The following MERTK variants were observed in gnomAD, a reference collection of about 807,000 sequenced individuals.
MERTK encodes MER proto-oncogene, tyrosine kinase.
Under a neutral mutation model 99.3 loss-of-function variants are expected in MERTK, and 69 were observed. The ratio of observed to expected loss-of-function variants is 0.70; its 90% CI spans 0.57 to 0.85. The LOEUF (loss-of-function observed/expected upper bound fraction) is 0.85. MERTK is among the 40% of genes least tolerant of loss of function. The pLI is 0.00. For missense variants in MERTK, 1,125 were observed against 1,249.4 expected (o/e 0.90, Z 1.50); for synonymous variants, 426 against 467.6 (o/e 0.91, Z 1.15).
Position 111,898,641 on chromosome 2 carries a change from G to T in MERTK, c.-95G>T. ...TCACTGCCCGGGCCGCCCGGACAGGGAGCTTCGCTGGCGCGCTTGGCCGGC... is the reference window on the plus strand; with the variant it reads ...TCACTGCCCGGGCCGCCCGGACAGGTAGCTTCGCTGGCGCGCTTGGCCGGC... On this transcript the variant is annotated 5_prime_UTR_variant, in exon 1 of 19. Transcript: ENST00000295408. 6.9e-7 allele frequency: 1 copy of T among 1,458,190 alleles called. No homozygotes were observed. Among genetic ancestry groups the T allele is most frequent in the Non-Finnish European group, 9.4e-7 (1 of 1,063,886 alleles). The allele number at this position is 1,458,190 out of a possible 1,614,324, so 90.3% of individuals were successfully genotyped here.
chr2:111,906,819 C>G (rs1241307773), intron 1 of MERTK, among the ~76,000 whole-genome samples: 1 of 152,244 alleles, frequency 6.6e-6, no homozygotes, highest in Non-Finnish European at 1.5e-5. Context: ...GATGTAAGTT[C>G]TCATCCTAGC....
At chr2:111,931,805 T>C (rs1022218191) in intron 2 of MERTK, among the ~76,000 whole-genome samples, 3 of 152,148 alleles carry the variant, frequency 2.0e-5, no homozygotes, top group African/African-American at 7.2e-5. Context: ...TACCTTGCTG[T>C]CTCTCTGGAC....
intron 4 of MERTK, chr2:111,952,479 C>CA (rs143306687): frequency 0.047 from 7,274 of 154,442 alleles, 160 homozygotes; most frequent in African/African-American, 0.057. Flanking sequence ...ACTGATCCAA[C>CA]AAATGAGCCA....
intron 2 of MERTK, among the ~76,000 whole-genome samples, chr2:111,942,780 C>G (rs924428345): frequency 6.6e-6 from 1 of 152,092 alleles, no homozygotes; most frequent in African/African-American, 2.4e-5. Context: ...TCAGGAAATG[C>G]AATGACAGGG....
chr2:111,997,213 T>C (rs1440615061), intron 9 of MERTK, 110 bp from the exon 10 acceptor site: 2 of 1,268,320 alleles, frequency 1.6e-6, no homozygotes, highest in Admixed American at 1.7e-5. Flanking sequence ...TTGTAGATTA[T>C]AAAAGATTTA....
At chr2:112,022,533 A>G (rs1158162095) in intron 18 of MERTK, 139 bp downstream of exon 18, 1 of 1,269,902 alleles carries the variant, frequency 7.9e-7, no homozygotes, top group Non-Finnish European at 1.1e-6. Context: ...GGTGGAACCC[A>G]CAGACACCCC....
At chr2:111,973,975 T>TG (rs1676177496) in intron 6 of MERTK, among the ~76,000 whole-genome samples, 1 of 140,768 alleles carries the variant, frequency 7.1e-6, no homozygotes, top group Non-Finnish European at 1.5e-5. Flanking sequence ...AATGACCCTT[T>TG]GCTATATCTC....
intron 1 of MERTK, among the ~76,000 whole-genome samples, chr2:111,902,438 T>A (rs1356809094): frequency 6.6e-6 from 1 of 152,234 alleles, no homozygotes; most frequent in Non-Finnish European, 1.5e-5. Flanking sequence ...AATCTTCCAG[T>A]GGCTTCCTGT....
chr2:111,925,910 G>A (rs1413769151), intron 1 of MERTK, among the ~76,000 whole-genome samples: 4 of 150,884 alleles, frequency 2.7e-5, no homozygotes, highest in Admixed American at 2.0e-4. Flanking sequence ...TCGGCTCACT[G>A]CAAGCTCCGC....
intron 13 of MERTK, among the ~76,000 whole-genome samples, chr2:112,006,010 A>G (rs1573635585): frequency 6.6e-6 from 1 of 151,970 alleles, no homozygotes; most frequent in African/African-American, 2.4e-5. Flanking sequence ...CCTCCTGAGT[A>G]GCTGGGATTA....
chr2:111,903,066 A>G (rs970633428), intron 1 of MERTK, among the ~76,000 whole-genome samples: 1 of 152,196 alleles, frequency 6.6e-6, no homozygotes, highest in Admixed American at 6.5e-5. Flanking sequence ...GGCGTGAGCT[A>G]TGGCACCCAG....
intron 2 of MERTK, among the ~76,000 whole-genome samples, chr2:111,931,639 T>C (rs1238220796): frequency 1.3e-5 from 2 of 151,260 alleles, no homozygotes; most frequent in Non-Finnish European, 2.9e-5. Context: ...TAAGCCAAGA[T>C]TGCACCACTG....
intron 15 of MERTK, among the ~76,000 whole-genome samples, chr2:112,012,668 G>T (rs1414735699): frequency 6.6e-6 from 1 of 152,170 alleles, no homozygotes; most frequent in Non-Finnish European, 1.5e-5. Flanking sequence ...TTCCAGCATG[G>T]AGAAACTAGA....
In MERTK at chr2:111,905,325, C is replaced by T. The variant is rs575473838; in HGVS notation, c.61+6529C>T. Among the ~76,000 whole-genome samples, 29 of 152,098 alleles carry T rather than the reference C, an allele frequency of 1.9e-4. 1 individual carries two copies. The highest frequency in any genetic ancestry group is 3.8e-4 in the Non-Finnish European group (26 of 68,020). On this transcript the variant is annotated intron_variant, in intron 1 of 18. Transcript: ENST00000295408. ...CTAGGGACATGGCCGGCATGTGAAACCCTGGGCTGCTATGGCCAGGTCACC... is the reference window on the plus strand; with the variant it reads ...CTAGGGACATGGCCGGCATGTGAAATCCTGGGCTGCTATGGCCAGGTCACC...
Position 112,003,153 on chromosome 2 carries a change from G to A in MERTK, c.1752G>A (p.Arg584=), listed in dbSNP as rs754662050. The A allele has an allele frequency of 3.1e-6, 5 of 1,600,320 alleles. No homozygotes were observed. Among genetic ancestry groups the A allele is most frequent in the Non-Finnish European group, 8.6e-7 (1 of 1,167,976 alleles). The change falls in exon 12 of 19, where the codon AGG becomes AGA. Residue 584 remains arginine, a synonymous_variant. Coordinates refer to ENST00000295408, the MANE Select transcript of MERTK (RefSeq NM_006343.3). ...QNKLEDVVID[R]NLLILGKILG... is the part of the protein sequence containing the mutation. ...AACTAGAAGATGTTGTGATTGACAG[G>A]AATCTTCTAATTCTTGGAAAAATTC...
rs1352909406 is a variant in MERTK at position 111,984,719 on chromosome 2, A to C, written c.1296+1726A>C. On this transcript the variant is annotated intron_variant, in intron 8 of 18. Transcript: ENST00000295408. Reference sequence around the variant, plus strand: ...TGATGACCTAGATGATTCTTCTTTCATGAATAATTACATTGAGTTTGCTGA... The same window carrying C: ...TGATGACCTAGATGATTCTTCTTTCCTGAATAATTACATTGAGTTTGCTGA... Among the ~76,000 whole-genome samples the C allele has an allele frequency of 2.6e-5, 4 of 152,172 alleles. No homozygotes were observed. In the South Asian group the frequency reaches 8.3e-4, roughly 32 times the overall value.
chr2:111,975,308 T>C lies in MERTK; in HGVS notation c.980T>C (p.Leu327Pro), dbSNP rs1676224575. ...GTTTAGGTCAAGGAAGCTGATCCGC[T>C]GAGTAATGGCTCAGTCATGATTTTT... ...CSIQVKEADPLSNGSVMIFNT... is the reference protein window; with the variant it reads ...CSIQVKEADPPSNGSVMIFNT... The change falls in exon 7 of 19, where the codon CTG becomes CCG. Residue 327 changes from leucine to proline, a missense_variant. Transcript: ENST00000295408. 1 of 1,614,092 alleles carries C rather than the reference T, an allele frequency of 6.2e-7. No individual in the cohort carries two copies. Among genetic ancestry groups the C allele is most frequent in the African/African-American group, 1.3e-5 (1 of 74,930 alleles).
At chr2:111,988,874 A>T (rs1676548749) in intron 8 of MERTK, among the ~76,000 whole-genome samples, 1 of 152,192 alleles carries the variant, frequency 6.6e-6, no homozygotes, top group Non-Finnish European at 1.5e-5. Context: ...GCTTGAATCT[A>T]GGAGGCGGAG....
chr2:111,968,378 C>T lies in MERTK; in HGVS notation c.960+126C>T, dbSNP rs994956458. 1.3e-5 allele frequency: 10 copies of T among 753,330 alleles called. No individual in the cohort carries two copies. The African/African-American group carries it at 1.4e-4, about 10-fold the overall frequency. 46.7% of individuals were successfully genotyped at this position (753,330 alleles called of 1,614,324 possible). A position where few individuals can be genotyped will look rare whatever the true frequency, so the allele number is the denominator to read the frequency against. Reference sequence around the variant, plus strand: ...TCTCTGTACAGAGTCCCCTGACCTCCCTGCTTCAGTGTCCAGCATGCATGC... The same window carrying T: ...TCTCTGTACAGAGTCCCCTGACCTCTCTGCTTCAGTGTCCAGCATGCATGC... On this transcript the variant is annotated intron_variant, in intron 6 of 18. Transcript: ENST00000295408.
Sources: gnomAD v4.1 joint callset for allele counts (sites outside exome capture counted in the v4.1 genomes callset) on GRCh38, gnomAD v4.1.1 for gene constraint, MANE v1.5 for transcripts, NCBI Gene and HGNC (gene_info 2026-07-23, HGNC 2026-07-21) for gene names.